Variants in FGF13 observed in about 807,000 individuals in gnomAD.
FGF13 encodes fibroblast growth factor 13, also known as fibroblast growth factor homologous factor 2.
FGF13 carries 2 observed loss-of-function variants against 19.5 expected under a neutral mutation model. That is an observed-to-expected ratio of 0.10 (90% CI 0.04 to 0.32). The LOEUF (loss-of-function observed/expected upper bound fraction) is 0.32, where lower values mean the gene tolerates loss of function less well. FGF13 is among the 10% of genes least tolerant of loss of function. FGF13 has a pLI of 1.00. For synonymous variants in FGF13, 72 were observed against 76.9 expected (o/e 0.94, Z 0.33); for missense variants, 113 against 192.7 (o/e 0.59, Z 2.45).
chrX:138,634,510 A>G (rs1177078179), intron 4 of FGF13, among the ~76,000 whole-genome samples: 1 of 113,287 alleles, frequency 8.8e-6, no homozygotes, highest in African/African-American at 3.2e-5. Flanking sequence ...TACATGCACT[A>G]TGGAAAAATT....
intron 1 of FGF13, among the ~76,000 whole-genome samples, chrX:139,115,120 A>G (rs2083629998): frequency 9.0e-6 from 1 of 111,598 alleles, no homozygotes; most frequent in South Asian, 3.8e-4. Flanking sequence ...CCATCTTAAA[A>G]TTAATGTGTC....
At chrX:139,031,706 C>A (rs1255213079) in intron 1 of FGF13, among the ~76,000 whole-genome samples, 2 of 100,432 alleles carry the variant, frequency 2.0e-5, no homozygotes, top group Admixed American at 2.2e-4. Context: ...TTCTAAAGAT[C>A]GGGGTCAAAA....
chrX:138,641,762 G>A (rs2089253749), intron 3 of FGF13, among the ~76,000 whole-genome samples: 1 of 111,331 alleles, frequency 9.0e-6, no homozygotes, highest in African/African-American at 3.3e-5. Flanking sequence ...TCAAAGCATG[G>A]GAAGGGAGAG....
chrX:138,682,327 T>C (rs1312588548), intron 3 of FGF13, among the ~76,000 whole-genome samples: 1 of 112,569 alleles, frequency 8.9e-6, no homozygotes, highest in Non-Finnish European at 1.9e-5. Flanking sequence ...CTAGGAAATA[T>C]TTACAGTACC....
At chrX:138,983,414 T>TTTATATATATATATATA (rs2091972215) in intron 1 of FGF13, among the ~76,000 whole-genome samples, 1 of 81,196 alleles carries the variant, frequency 1.2e-5, no homozygotes, top group Non-Finnish European at 2.4e-5. Context: ...TAAGTTGATC[T>TTTATATATATATATATA]TATATATATA....
chrX:138,975,977 C>G (rs1293112941), intron 1 of FGF13, among the ~76,000 whole-genome samples: 1 of 111,363 alleles, frequency 9.0e-6, no homozygotes, highest in African/African-American at 3.3e-5. Flanking sequence ...AGATTTTGAG[C>G]CACTGTTCAT....
At chrX:139,195,099 C>CT (rs752245998) in intron 1 of FGF13, among the ~76,000 whole-genome samples, 1 of 111,865 alleles carries the variant, frequency 8.9e-6, no homozygotes, top group Non-Finnish European at 1.9e-5. Flanking sequence ...AATGAGCACA[C>CT]TAAGGTTTGT....
chrX:139,121,987 T>C (rs2083680403), intron 1 of FGF13, among the ~76,000 whole-genome samples: 1 of 111,614 alleles, frequency 9.0e-6, no homozygotes, highest in African/African-American at 3.3e-5. Flanking sequence ...AGTCTGTCCC[T>C]AGTTATCTGG....
At chrX:139,017,352 T>TATATATATACAC (rs1556336371) in intron 1 of FGF13, among the ~76,000 whole-genome samples, 1 of 107,408 alleles carries the variant, frequency 9.3e-6, no homozygotes, top group African/African-American at 3.4e-5. Flanking sequence ...TATATATATA[T>TATATATATACAC]ACACACACAC....
chrX:138,941,718 G>A (rs1400322579), intron 1 of FGF13, among the ~76,000 whole-genome samples: 1 of 111,987 alleles, frequency 8.9e-6, no homozygotes, highest in East Asian at 2.8e-4. Context: ...ATATTTAAGT[G>A]GAAAGTCCCT....
chrX:139,040,927 C>G (rs1322488847), intron 1 of FGF13, among the ~76,000 whole-genome samples: 1 of 109,838 alleles, frequency 9.1e-6, no homozygotes, highest in Non-Finnish European at 1.9e-5. Flanking sequence ...AAGTTGCAAG[C>G]CATTATCCTC....
chrX:138,849,644 T>A (rs2091209273), intron 3 of FGF13, among the ~76,000 whole-genome samples: 1 of 111,302 alleles, frequency 9.0e-6, no homozygotes, highest in Admixed American at 9.6e-5. Flanking sequence ...CCTAGCTGGG[T>A]CATACCATGC....
At chrX:138,854,757 AT>A (rs1408257075), downstream of FGF13, among the ~76,000 whole-genome samples, 8 of 111,818 alleles carry the variant, frequency 7.2e-5, no homozygotes, top group Non-Finnish European at 1.1e-4. Flanking sequence ...GCATAAAAAA[AT>A]AATCTCATTA....
intron 3 of FGF13, among the ~76,000 whole-genome samples, chrX:138,830,421 G>A (rs1179078775): frequency 9.0e-6 from 1 of 111,731 alleles, no homozygotes; most frequent in East Asian, 2.8e-4. Context: ...GACCATCCTT[G>A]TTATATAATT....
intron 3 of FGF13, among the ~76,000 whole-genome samples, chrX:138,840,018 TG>T (rs1569408797): frequency 1.8e-5 from 2 of 111,668 alleles, no homozygotes; most frequent in Non-Finnish European, 3.8e-5. Context: ...ACTTTAGCAA[TG>T]GTGGCTATGG....
At chrX:138,655,885 A>G (rs776677762) in intron 3 of FGF13, among the ~76,000 whole-genome samples, 2 of 111,816 alleles carry the variant, frequency 1.8e-5, no homozygotes, top group Non-Finnish European at 3.8e-5. Flanking sequence ...TAACTGGAGA[A>G]TACATAGCTT....
intron 3 of FGF13, among the ~76,000 whole-genome samples, chrX:138,694,441 C>A: frequency 1.0e-5 from 1 of 100,020 alleles, no homozygotes; most frequent in South Asian, 4.5e-4. Flanking sequence ...TTTCTTTTTT[C>A]TTTTCTTTTC....
intron 1 of FGF13, among the ~76,000 whole-genome samples, chrX:138,970,816 G>A (rs767734503): frequency 9.0e-6 from 1 of 111,079 alleles, no homozygotes; most frequent in East Asian, 2.8e-4. Flanking sequence ...AATATGACAA[G>A]AAATAAAATG....
chrX:138,789,917 C>T (rs1463734879), intron 3 of FGF13, among the ~76,000 whole-genome samples: 7 of 104,932 alleles, frequency 6.7e-5, no homozygotes, highest in Admixed American at 3.1e-4. Flanking sequence ...TAGTGGCAGG[C>T]GCCTGTAGTC....
Sources: allele counts gnomAD v4.1 joint callset (sites outside exome capture counted in the v4.1 genomes callset), GRCh38; gene constraint gnomAD v4.1.1; transcripts MANE v1.5; gene names NCBI Gene and HGNC (gene_info 2026-07-23, HGNC 2026-07-21).